BRCA2: variants seen among roughly 807,000 people sequenced by gnomAD.
BRCA2 encodes the protein BRCA2 DNA repair associated, also known as breast cancer type 2 susceptibility protein.
BRCA2 carries 203 observed loss-of-function variants against 276.7 expected under a neutral mutation model. The observed-to-expected ratio is 0.73, with a 90% CI of 0.65 to 0.82. BRCA2 has a LOEUF of 0.82. Ranked by LOEUF, BRCA2 falls within the 40% of genes least tolerant of loss-of-function variation. The pLI is 0.00. For synonymous variants in BRCA2, 1,289 were observed against 1,338.4 expected (o/e 0.96, Z 0.81); for missense variants, 3,920 against 3,915.0 (o/e 1.00, Z -0.03).
intron 18 of BRCA2, among the ~76,000 whole-genome samples, chr13:32,369,590 T>G (rs1172457678): frequency 1.3e-5 from 2 of 152,194 alleles, no homozygotes; most frequent in Non-Finnish European, 2.9e-5. Flanking sequence ...GTTTGTTTTT[T>G]GGAGACGGAG....
rs80358684 is a variant in BRCA2, at chr13:32,338,889, C to T, written c.4534C>T (p.Arg1512Cys). The change falls in exon 11 of 27, where the codon CGT (arginine) becomes TGT (cysteine). Residue 1512 changes from arginine to cysteine, a missense_variant. Transcript: ENST00000380152. ...QLVTFQGQPE[R>C]DEKIKEPTLL... ...AGTGACCTTCCAGGGACAACCCGAA[C>T]GTGATGAAAAGATCAAAGAACCTAC... The T allele has an allele frequency of 8.7e-6, 14 of 1,613,736 alleles. No homozygotes were observed. Among genetic ancestry groups the T allele is most frequent in the East Asian group, 2.2e-5 (1 of 44,878 alleles).
rs7337784 is a variant in BRCA2, at chr13:32,383,835, G to C, written c.9256+3690G>C. On this transcript the variant is annotated intron_variant, in intron 24 of 26. Transcript: ENST00000380152. ...GTTGAAGAAGGAGGTACTTCAAATTGAGATTCTGGGGGAAATGGAGTTATT... is the reference window on the plus strand; with the variant it reads ...GTTGAAGAAGGAGGTACTTCAAATTCAGATTCTGGGGGAAATGGAGTTATT... Among the ~76,000 whole-genome samples the C allele has an allele frequency of 0.22, 33,003 of 151,964 alleles. 3,705 individuals carry two copies. Among genetic ancestry groups the C allele is most frequent in the East Asian group, 0.39 (2,026 of 5,138 alleles).
intron 16 of BRCA2, among the ~76,000 whole-genome samples, chr13:32,361,241 A>G (rs1334012455): frequency 1.3e-5 from 2 of 152,228 alleles, no homozygotes; most frequent in East Asian, 3.8e-4. Context: ...GGGAATAGAA[A>G]ATGACCAGCT....
Position 32,398,570 on chromosome 13 carries a change from T to C in BRCA2, c.10057T>C (p.Leu3353=), listed in dbSNP as rs760122577. 1.2e-6 allele frequency: 2 copies of C among 1,614,166 alleles called. No homozygotes were observed. The highest frequency in any genetic ancestry group is 1.7e-6 in the Non-Finnish European group (2 of 1,180,016). Residue 3353 remains leucine (L), a synonymous_variant, in exon 27 of 27, where the codon TTG becomes CTG. Coordinates refer to ENST00000380152, the MANE Select transcript of BRCA2 (RefSeq NM_000059.4). Reference sequence around the variant, plus strand: ...TGCATTGATAAATACCCAAGCTCTTTTGTCTGGTTCAACAGGAGAAAAACA... The same window carrying C: ...TGCATTGATAAATACCCAAGCTCTTCTGTCTGGTTCAACAGGAGAAAAACA... ...ELALINTQAL[L]SGSTGEKQFI... is the part of the protein sequence containing the mutation.
At chr13:32,315,733 G>C (rs906774548) in intron 1 of BRCA2, 66 bp downstream of exon 1, 1 of 153,548 alleles carries the variant, frequency 6.5e-6, no homozygotes, top group African/African-American at 2.4e-5. Flanking sequence ...GCGTGGCGGG[G>C]GAGCGCCTCA....
intron 14 of BRCA2, 76 bp downstream of exon 14, chr13:32,355,364 GT>G (rs2137559554): frequency 1.3e-6 from 2 of 1,524,618 alleles, no homozygotes; most frequent in African/African-American, 1.4e-5. Flanking sequence ...TGTCCTGATG[GT>G]TTTCCCCCTT....
chr13:32,355,229 AAAAC>A lies in BRCA2; in HGVS notation c.7379_7382del (p.Asn2460ThrfsTer6), dbSNP rs80359648. Reference sequence around the variant, plus strand: ...GACAATGAGATTCATCAGTTTAACAAAAACAACTCCAATCAAGCAGTAGCTGTAA... The same window carrying A: ...GACAATGAGATTCATCAGTTTAACAAAACTCCAATCAAGCAGTAGCTGTAA... On this transcript the variant is annotated frameshift_variant, in exon 14 of 27. Transcript: ENST00000380152. LOFTEE classifies it high-confidence loss of function. 1 of 1,613,020 alleles carries A rather than the reference AAAAC, an allele frequency of 6.2e-7. No homozygotes were observed. The highest frequency in any genetic ancestry group is 2.2e-5 in the East Asian group (1 of 44,808).
Position 32,337,463 on chromosome 13 carries a change from A to G in BRCA2, c.3108A>G (p.Glu1036=), listed in dbSNP as rs2137493299. 6.2e-7 allele frequency: 1 copy of G among 1,612,308 alleles called. No homozygotes were observed. The highest frequency in any genetic ancestry group is 8.5e-7 in the Non-Finnish European group (1 of 1,178,974). Residue 1036 remains glutamate (E), a synonymous_variant, in exon 11 of 27, where the codon GAA becomes GAG. Transcript: ENST00000380152. The stretch of plus-strand genomic sequence containing the variant: ...AAATGTTCTTCAAAGATATTGAAGA[A>G]CAATATCCTACTAGTTTAGCTTGTG... ...KSKMFFKDIE[E]QYPTSLACVE...
intron 7 of BRCA2, among the ~76,000 whole-genome samples, chr13:32,327,311 G>A (rs745894327): frequency 6.6e-6 from 1 of 152,098 alleles, no homozygotes; most frequent in African/African-American, 2.4e-5. Context: ...GGCCAGGTGT[G>A]GTAACACACA....
intron 11 of BRCA2, among the ~76,000 whole-genome samples, chr13:32,341,735 G>T (rs1350189249): frequency 2.0e-5 from 3 of 151,320 alleles, no homozygotes; most frequent in African/African-American, 7.3e-5. Flanking sequence ...GGGCGTAGTG[G>T]CGGGCGCCTG....
Position 32,338,118 on chromosome 13 carries a change from G to T in BRCA2, c.3763G>T (p.Val1255Leu), listed in dbSNP as rs80358617. ...TATTAGTGAGGAAACTTCTGCAGAG[G>T]TACATCCAATAAGTTTATCTTCAAG... ...ENISEETSAE[V>L]HPISLSSSKC... The change falls in exon 11 of 27, where the codon GTA becomes TTA. Residue 1255 changes from valine to leucine, a missense_variant. Transcript: ENST00000380152. 1.9e-6 allele frequency: 3 copies of T among 1,608,478 alleles called. No homozygotes were observed. Among genetic ancestry groups the T allele is most frequent in the Non-Finnish European group, 2.5e-6 (3 of 1,177,652 alleles).
Position 32,325,455 on chromosome 13 carries a change from G to C in BRCA2, c.425+271G>C, listed in dbSNP as rs544880308. Among the ~76,000 whole-genome samples the C allele has an allele frequency of 2.0e-5, 3 of 152,054 alleles. No individual in the cohort carries two copies. In the South Asian group the frequency reaches 6.2e-4, roughly 32 times the overall value. On this transcript the variant is annotated intron_variant, in intron 4 of 26. Coordinates refer to ENST00000380152, the MANE Select transcript of BRCA2 (RefSeq NM_000059.4). ...GTAACAAAAATAACAGTGGTGAAAA[G>C]CAGTAAGTCAGTCCTTGAATTATCA... is the stretch of plus-strand genomic sequence containing the variant.
At chr13:32,383,299 G>T (rs887437391) in intron 24 of BRCA2, among the ~76,000 whole-genome samples, 16 of 152,144 alleles carry the variant, frequency 1.1e-4, no homozygotes, top group African/African-American at 3.1e-4. Flanking sequence ...GGTGGAGCTT[G>T]CAGTGAGCTG....
At chr13:32,332,113 G>A (rs1036581064) in intron 9 of BRCA2, among the ~76,000 whole-genome samples, 159 bp from the exon 10 acceptor site, 4 of 152,010 alleles carry the variant, frequency 2.6e-5, no homozygotes, top group Admixed American at 6.6e-5. Context: ...GTGACTGACC[G>A]AAAAATAAAA....
rs1064793592 is a variant in BRCA2 at position 32,316,503 on chromosome 13, T to C, written c.43T>C (p.Phe15Leu). The C allele has an allele frequency of 6.2e-7, 1 of 1,614,032 alleles. No individual in the cohort carries two copies. The highest frequency in any genetic ancestry group is 8.5e-7 in the Non-Finnish European group (1 of 1,179,898). ...SKERPTFFEI[F>L]KTRCNKADLG... is the part of the protein sequence containing the mutation. ...AGAGAGGCCAACATTTTTTGAAATT[T>C]TTAAGACACGCTGCAACAAAGCAGG... Residue 15 changes from phenylalanine to leucine, a missense_variant, in exon 2 of 27, where the codon TTT becomes CTT. Phe to Leu is a conservative substitution (Grantham distance 22, BLOSUM62 0). This residue lies in a region of BRCA2 where 3,263 missense variants were observed against 3,156.9 expected (regional missense o/e 1.03). Coordinates refer to ENST00000380152, the MANE Select transcript of BRCA2 (RefSeq NM_000059.4).
chr13:32,339,338 T>A lies in BRCA2; in HGVS notation c.4983T>A (p.Tyr1661Ter), dbSNP rs1060499833. ...CTTGTTACACAAATCAGTCCCCTTA[T>A]TCAGTCATTGAAAATTCAGCCTTAG... is the stretch of plus-strand genomic sequence containing the variant. ...PATCYTNQSP[Y>*]SVIENSALAF... Residue 1661 changes from tyrosine (Y) to a stop codon, truncating the protein, a stop_gained, in exon 11 of 27, where the codon TAT becomes TAA. Transcript: ENST00000380152. LOFTEE classifies it high-confidence loss of function. The A allele has an allele frequency of 6.3e-7, 1 of 1,592,760 alleles. No individual in the cohort carries two copies. Among genetic ancestry groups the A allele is most frequent in the Non-Finnish European group, 8.5e-7 (1 of 1,171,228 alleles).
intron 18 of BRCA2, 60 bp downstream of exon 18, chr13:32,363,593 T>A (rs2137583396): frequency 6.8e-7 from 1 of 1,468,676 alleles, no homozygotes; most frequent in East Asian, 2.3e-5. Context: ...TTCTAGAAGT[T>A]TTACATTTAA....
intron 18 of BRCA2, among the ~76,000 whole-genome samples, chr13:32,368,810 GTTTTTTTTGT>G (rs1162602447): frequency 7.2e-6 from 1 of 138,896 alleles, no homozygotes; most frequent in East Asian, 2.4e-4. Flanking sequence ...TTTTTTTTTG[GTTTTTTTTGT>G]TTTTTTTTTA....
chr13:32,392,665 G>A (rs1170067878), intron 24 of BRCA2, among the ~76,000 whole-genome samples: 1 of 151,950 alleles, frequency 6.6e-6, no homozygotes, highest in Non-Finnish European at 1.5e-5. Context: ...AAAAATCGTG[G>A]AATTTCCAAA....
Sources: gnomAD v4.1 joint callset for allele counts (sites outside exome capture counted in the v4.1 genomes callset) on GRCh38, gnomAD v4.1.1 for gene constraint, gnomAD v4.1.1 regional missense constraint, MANE v1.5 for transcripts, NCBI Gene and HGNC (gene_info 2026-07-23, HGNC 2026-07-21) for gene names.